The following NEGR1 variants were observed in gnomAD, a reference collection of about 807,000 sequenced individuals.
The protein encoded by NEGR1 is IgLON family member 4.
A neutral mutation model predicts 40.9 loss-of-function variants in NEGR1; 10 were observed. The ratio of observed to expected loss-of-function variants is 0.24; its 90% CI spans 0.15 to 0.42. The LOEUF is 0.42. NEGR1 is among the 10% of genes least tolerant of loss of function. The pLI is 1.00. For missense variants in NEGR1, 352 were observed against 438.9 expected, an observed-to-expected ratio of 0.80 and a Z score of 1.77; for synonymous variants, 185 against 166.8, an observed-to-expected ratio of 1.11 and a Z score of -0.84.
chr1:71,567,064 G>A (rs1316074590), intron 6 of NEGR1, among the ~76,000 whole-genome samples: 1 of 152,140 alleles, frequency 6.6e-6, no homozygotes, highest in African/African-American at 2.4e-5. Context: ...TTAGACCATA[G>A]CAAAAGTCTA....
rs548168844 is a variant in NEGR1 at position 71,596,951 on chromosome 1, T to C, written c.789-3983A>G. Among the ~76,000 whole-genome samples the C allele has an allele frequency of 1.3e-4, 20 of 152,318 alleles. 2 individuals carry two copies. The East Asian group carries it at 3.9e-3, about 29-fold the overall frequency. On this transcript the variant is annotated intron_variant, in intron 5 of 6. Transcript: ENST00000357731. ...GAATTATGAGAGAACATGATAATGA[T>C]ATATCATTTTATATGAGTGGGTAGA...
intron 1 of NEGR1, among the ~76,000 whole-genome samples, chr1:72,242,208 T>C (rs1654767247): frequency 1.3e-5 from 2 of 151,764 alleles, no homozygotes; most frequent in African/African-American, 2.4e-5. Flanking sequence ...TCCTCTTGAA[T>C]ATCATTGCTC....
chr1:71,964,187 C>T (rs1407137054), intron 1 of NEGR1, among the ~76,000 whole-genome samples: 1 of 152,152 alleles, frequency 6.6e-6, no homozygotes, highest in Non-Finnish European at 1.5e-5. Flanking sequence ...CCACATCGCC[C>T]ATGCCACAGA....
chr1:71,635,715 A>C (rs1000558033), intron 4 of NEGR1, among the ~76,000 whole-genome samples: 21 of 152,102 alleles, frequency 1.4e-4, no homozygotes, highest in Admixed American at 1.2e-3. Flanking sequence ...CAGAAGAGTC[A>C]ATATCAAATG....
At chr1:71,702,812 A>C (rs1230982875) in intron 3 of NEGR1, among the ~76,000 whole-genome samples, 5 of 151,510 alleles carry the variant, frequency 3.3e-5, no homozygotes, top group Non-Finnish European at 5.9e-5. Flanking sequence ...AAACACAGTG[A>C]CCCCCACAAT....
chr1:71,644,844 C>T (rs535997293), intron 4 of NEGR1, among the ~76,000 whole-genome samples: 82 of 151,858 alleles, frequency 5.4e-4, no homozygotes, highest in Non-Finnish European at 9.3e-4. Context: ...GATGCTTATC[C>T]AGGGGCTTAT....
intron 6 of NEGR1, among the ~76,000 whole-genome samples, chr1:71,552,625 G>T (rs1648124493): frequency 6.7e-6 from 1 of 148,562 alleles, no homozygotes. Flanking sequence ...TCTATATTAG[G>T]AGAATATATA....
chr1:71,496,309 C>T (rs1219044914), intron 6 of NEGR1, among the ~76,000 whole-genome samples: 2 of 152,068 alleles, frequency 1.3e-5, no homozygotes, highest in African/African-American at 2.4e-5. Flanking sequence ...CAGAAATGGG[C>T]TCACACTGGC....
intron 1 of NEGR1, among the ~76,000 whole-genome samples, chr1:72,095,086 C>A (rs1025658063): frequency 5.9e-5 from 9 of 152,096 alleles, no homozygotes; most frequent in African/African-American, 2.2e-4. Context: ...ACCGCCTAAA[C>A]AGGAAGATGA....
intron 1 of NEGR1, among the ~76,000 whole-genome samples, chr1:72,159,784 T>A (rs1459206206): frequency 1.3e-5 from 2 of 152,152 alleles, no homozygotes; most frequent in East Asian, 3.8e-4. Flanking sequence ...AAGATATCGA[T>A]GATAAATGCA....
intron 2 of NEGR1, among the ~76,000 whole-genome samples, chr1:71,848,513 A>G (rs1659495608): frequency 6.6e-6 from 1 of 152,158 alleles, no homozygotes; most frequent in South Asian, 2.1e-4. Flanking sequence ...CTAAATCTAT[A>G]CCACCTGTGC....
At chr1:71,841,261 T>C (rs1455490110) in intron 2 of NEGR1, among the ~76,000 whole-genome samples, 5 of 152,154 alleles carry the variant, frequency 3.3e-5, no homozygotes, top group African/African-American at 9.7e-5. Context: ...TTTTCAAATA[T>C]AAATTTACAT....
At chr1:71,963,844 C>T (rs1294442087) in intron 1 of NEGR1, among the ~76,000 whole-genome samples, 1 of 152,014 alleles carries the variant, frequency 6.6e-6, no homozygotes, top group Non-Finnish European at 1.5e-5. Context: ...ATTGTGGAAA[C>T]CTATCACTAG....
intron 6 of NEGR1, among the ~76,000 whole-genome samples, chr1:71,586,902 C>G (rs1022586040): frequency 4.6e-5 from 7 of 152,080 alleles, no homozygotes; most frequent in African/African-American, 1.2e-4. Flanking sequence ...AACTGCAAAC[C>G]TAATTTTTGT....
intron 1 of NEGR1, among the ~76,000 whole-genome samples, chr1:72,128,867 A>C (rs1232182989): frequency 6.6e-6 from 1 of 152,174 alleles, no homozygotes; most frequent in East Asian, 1.9e-4. Context: ...AGTGGGTATC[A>C]TTCAAAATGT....
intron 1 of NEGR1, among the ~76,000 whole-genome samples, chr1:71,942,902 A>G (rs1645980199): frequency 6.7e-6 from 1 of 148,654 alleles, no homozygotes. Flanking sequence ...CCTGGACTCA[A>G]GCAATCCTCC....
intron 2 of NEGR1, among the ~76,000 whole-genome samples, chr1:71,814,685 T>C (rs752143720): frequency 2.0e-5 from 3 of 152,156 alleles, no homozygotes; most frequent in Non-Finnish European, 4.4e-5. Context: ...CTAGATTTTC[T>C]AGTTTATTTG....
chr1:71,939,605 A>G (rs972352559), intron 1 of NEGR1, among the ~76,000 whole-genome samples: 10 of 152,188 alleles, frequency 6.6e-5, no homozygotes, highest in African/African-American at 2.4e-4. Context: ...AATGATACAG[A>G]GGATGTGCTA....
chr1:71,803,356 A>G (rs1657630517), intron 2 of NEGR1, among the ~76,000 whole-genome samples: 1 of 152,146 alleles, frequency 6.6e-6, no homozygotes. Flanking sequence ...TATAAAAATA[A>G]CTATCTTTAG....
Sources: allele counts gnomAD v4.1 joint callset (sites outside exome capture counted in the v4.1 genomes callset), GRCh38; gene constraint gnomAD v4.1.1; transcripts MANE v1.5; gene names NCBI Gene and HGNC (gene_info 2026-07-23, HGNC 2026-07-21).